Variants in SFT2D2 observed in about 807,000 individuals in gnomAD.
SFT2D2 encodes the protein vesicle transport protein SFT2B.
In SFT2D2, 21 loss-of-function variants were observed where a neutral mutation model predicts 27.4. The ratio of observed to expected loss-of-function variants is 0.77; its 90% CI spans 0.54 to 1.10. The LOEUF is 1.10. Ranked by LOEUF, SFT2D2 falls within the 50% of genes least tolerant of loss-of-function variation. The pLI, the probability that SFT2D2 is intolerant of heterozygous loss-of-function variation, is 0.00. For synonymous variants in SFT2D2, 72 were observed against 71.7 expected (o/e 1.00, Z -0.02); for missense variants, 187 against 194.2 (o/e 0.96, Z 0.22).
In SFT2D2 at chr1:168,231,820, A is replaced by G; in HGVS notation, c.151-14A>G. ...AGGGTTGCTCATGTGCAAACACTGT[A>G]CTTTAAATTCCAGGGTACTGTTCTG... is the stretch of plus-strand genomic sequence containing the variant. On this transcript the variant is annotated splice_polypyrimidine_tract_variant and intron_variant, in intron 2 of 7. Transcript: ENST00000271375. The G allele has an allele frequency of 1.2e-6, 2 of 1,613,302 alleles. No individual in the cohort carries two copies. The highest frequency in any genetic ancestry group is 1.7e-6 in the Non-Finnish European group (2 of 1,179,512).
chr1:168,227,792 A>G (rs1057327061), intron 1 of SFT2D2, among the ~76,000 whole-genome samples: 2 of 152,172 alleles, frequency 1.3e-5, no homozygotes, highest in Admixed American at 6.5e-5. Context: ...AGAGGCAGAC[A>G]CTTTCTCTCC....
intron 1 of SFT2D2, 113 bp downstream of exon 1, chr1:168,226,255 C>T: frequency 3.4e-6 from 3 of 873,262 alleles, no homozygotes; most frequent in Admixed American, 3.3e-5. Flanking sequence ...GGTAGCTCTG[C>T]CCCTTCTCCT....
chr1:168,234,852 A>G (rs778773449), intron 3 of SFT2D2, among the ~76,000 whole-genome samples: 9 of 152,314 alleles, frequency 5.9e-5, no homozygotes, highest in East Asian at 1.9e-4. Context: ...GCCTGGGTCT[A>G]TCATTCCCTA....
rs2102337813 is a variant in SFT2D2, at chr1:168,249,910, A to G, written c.*7370A>G. 1 of 152,296 alleles carries G rather than the reference A, an allele frequency of 6.6e-6. No individual in the cohort carries two copies. The allele number at this position is 152,296 out of a possible 1,614,324, so 9.4% of individuals were successfully genotyped here. ...ATGAGAGTGAATGTCTCCGATCATT[A>G]ATTTATTTAACAAATACTTATCTAG... On this transcript the variant is annotated 3_prime_UTR_variant, in exon 8 of 8. Transcript: ENST00000271375.
intron 3 of SFT2D2, 60 bp from the exon 4 acceptor site, chr1:168,235,041 C>G (rs926095771): frequency 2.8e-6 from 4 of 1,453,554 alleles, no homozygotes; most frequent in Admixed American, 3.4e-5. Context: ...GGGGAGGCGA[C>G]TCAGTGTGCC....
chr1:168,235,029 T>C, intron 3 of SFT2D2, 72 bp from the exon 4 acceptor site: 1 of 1,311,722 alleles, frequency 7.6e-7, no homozygotes, highest in South Asian at 1.2e-5. Flanking sequence ...ACAGGAAATC[T>C]TGGGGAGGCG....
chr1:168,232,516 C>G (rs1647353507), intron 3 of SFT2D2, among the ~76,000 whole-genome samples: 1 of 152,224 alleles, frequency 6.6e-6, no homozygotes, highest in African/African-American at 2.4e-5. Context: ...CTGCAGGAAC[C>G]TGAGCTCAGT....
At chr1:168,230,170 G>T (rs1231370386) in intron 1 of SFT2D2, among the ~76,000 whole-genome samples, 2 of 152,208 alleles carry the variant, frequency 1.3e-5, no homozygotes, top group Non-Finnish European at 2.9e-5. Context: ...TGGAGACAGG[G>T]TTGAAAACAG....
rs562729316 is a variant in SFT2D2 at position 168,245,864 on chromosome 1, C to G, written c.*3324C>G. 2.0e-5 allele frequency: 3 copies of G among 152,766 alleles called. No homozygotes were observed. Among genetic ancestry groups the G allele is most frequent in the African/African-American group, 7.2e-5 (3 of 41,568 alleles). The allele number at this position is 152,766 out of a possible 1,614,324, so 9.5% of individuals were successfully genotyped here. A position where few individuals can be genotyped will look rare whatever the true frequency, so the allele number is the denominator to read the frequency against. On this transcript the variant is annotated 3_prime_UTR_variant, in exon 8 of 8. Transcript: ENST00000271375. ...GCCATCTTGCTTTTTAATTGTATTT[C>G]TTAACACTAGAATTTTCTATTTCAA...
intron 1 of SFT2D2, among the ~76,000 whole-genome samples, chr1:168,226,870 AG>A (rs1376505597): frequency 6.6e-6 from 1 of 151,888 alleles, no homozygotes; most frequent in Non-Finnish European, 1.5e-5. Context: ...CCCAGGCTGG[AG>A]TGCAGTGGCG....
At position 168,252,228 on chromosome 1, in the gene SFT2D2, G is replaced by T. The variant is rs947310825; in HGVS notation, c.*9688G>T. Reference sequence around the variant, plus strand: ...TTTTGTAGACAGGATGATCTGTCTAGATTGTAGCAAATGATGGTACATATT... The same window carrying T: ...TTTTGTAGACAGGATGATCTGTCTATATTGTAGCAAATGATGGTACATATT... On this transcript the variant is annotated 3_prime_UTR_variant, in exon 8 of 8. Coordinates refer to ENST00000271375, the MANE Select transcript of SFT2D2 (RefSeq NM_199344.3). 1.3e-5 allele frequency: 2 copies of T among 152,196 alleles called. No individual in the cohort carries two copies. The highest frequency in any genetic ancestry group is 4.8e-5 in the African/African-American group (2 of 41,432). 9.4% of individuals were successfully genotyped at this position (152,196 alleles called of 1,614,324 possible). A position where few individuals can be genotyped will look rare whatever the true frequency, so the allele number is the denominator to read the frequency against.
Position 168,247,326 on chromosome 1 carries a change from C to T in SFT2D2, c.*4786C>T. 5.2e-6 allele frequency: 1 copy of T among 190,662 alleles called. No individual in the cohort carries two copies. The highest frequency in any genetic ancestry group is 1.1e-5 in the Non-Finnish European group (1 of 94,038). 11.8% of individuals were successfully genotyped at this position (190,662 alleles called of 1,614,324 possible). ...ACATGTAATGTTATCCCTCCCCTAG[C>T]CCCCACCCCCGGACAGGCCCCGGTA... On this transcript the variant is annotated 3_prime_UTR_variant, in exon 8 of 8. Coordinates refer to ENST00000271375, the MANE Select transcript of SFT2D2 (RefSeq NM_199344.3).
chr1:168,240,174 CAAAAAA>C (rs71299093), intron 7 of SFT2D2, among the ~76,000 whole-genome samples: 1 of 103,226 alleles, frequency 9.7e-6, no homozygotes, highest in Non-Finnish European at 2.0e-5. Context: ...GACTCTGTCT[CAAAAAA>C]AAAAAAAAAA....
At chr1:168,228,956 C>T (rs892212565) in intron 1 of SFT2D2, among the ~76,000 whole-genome samples, 2 of 152,138 alleles carry the variant, frequency 1.3e-5, no homozygotes, top group African/African-American at 4.8e-5. Flanking sequence ...TTCACTGAGT[C>T]CAGTTATGAG....
intron 4 of SFT2D2, 28 bp downstream of exon 4, chr1:168,235,210 T>A (rs1558176532): frequency 1.9e-6 from 3 of 1,602,678 alleles, no homozygotes; most frequent in Non-Finnish European, 1.7e-6. Context: ...GCTGGACTTC[T>A]CAGATGGGAG....
At chr1:168,241,205 C>CTTTTTTTTTTTTTT (rs11387591) in intron 7 of SFT2D2, among the ~76,000 whole-genome samples, 3 of 100,156 alleles carry the variant, frequency 3.0e-5, no homozygotes, top group African/African-American at 3.9e-5. Flanking sequence ...CCCTTCTATT[C>CTTTTTTTTTTTTTT]TTTTTTTTTT....
chr1:168,235,298 T>G, intron 4 of SFT2D2, 116 bp downstream of exon 4: 2 of 980,078 alleles, frequency 2.0e-6, no homozygotes, highest in South Asian at 2.7e-5. Flanking sequence ...GCTTGACTTA[T>G]TACCCTATTC....
intron 2 of SFT2D2, 71 bp from the exon 3 acceptor site, chr1:168,231,763 C>T: frequency 2.6e-6 from 4 of 1,529,022 alleles, no homozygotes; most frequent in Middle Eastern, 1.7e-4. Flanking sequence ...TCAGGGCTTC[C>T]TCTGGGAGCT....
intron 3 of SFT2D2, among the ~76,000 whole-genome samples, chr1:168,232,355 C>T (rs1558175640): frequency 6.6e-6 from 1 of 152,204 alleles, no homozygotes; most frequent in Non-Finnish European, 1.5e-5. Context: ...GGCATCTGAG[C>T]GCTTCCTGGA....
Sources: allele counts gnomAD v4.1 joint callset (sites outside exome capture counted in the v4.1 genomes callset), GRCh38; gene constraint gnomAD v4.1.1; transcripts MANE v1.5; gene names NCBI Gene and HGNC (gene_info 2026-07-23, HGNC 2026-07-21).